The following CDK2AP2 variants were observed in gnomAD, a reference collection of about 807,000 sequenced individuals.
The protein encoded by CDK2AP2 is cyclin dependent kinase 2 associated protein 2, also known as cyclin-dependent kinase 2-associated protein 2.
CDK2AP2 carries 1 observed loss-of-function variant against 13.0 expected under a neutral mutation model. That is an observed-to-expected ratio of 0.08 (90% CI 0.03 to 0.37). The LOEUF is 0.37. Ranked by LOEUF, CDK2AP2 falls within the 10% of genes least tolerant of loss-of-function variation. The probability of loss-of-function intolerance (pLI) is 0.99; values close to 1 mark genes in which losing one functional copy is unlikely to be tolerated. For missense variants in CDK2AP2, 129 were observed against 175.8 expected, an observed-to-expected ratio of 0.73 and a Z score of 1.50; for synonymous variants, 76 against 73.0, an observed-to-expected ratio of 1.04 and a Z score of -0.21.
chr11:67,507,777 T>C, intron 1 of CDK2AP2, 88 bp from the exon 2 acceptor site: 22 of 1,560,400 alleles, frequency 1.4e-5, no homozygotes, highest in Non-Finnish European at 1.8e-5. Flanking sequence ...GTTCGCCCGA[T>C]TCCCTCCAAA....
chr11:67,507,116 A>G (rs1479386581), intron 3 of CDK2AP2, 104 bp from the exon 4 acceptor site: 1 of 922,608 alleles, frequency 1.1e-6, no homozygotes, highest in African/African-American at 1.7e-5. Context: ...GGCAAAAGAA[A>G]TTCAAATCTA....
chr11:67,507,229 G>T, intron 3 of CDK2AP2, 136 bp downstream of exon 3: 5 of 1,064,726 alleles, frequency 4.7e-6, no homozygotes, highest in South Asian at 1.5e-5. Context: ...ATTTCAATTC[G>T]ATTCAAAACA....
chr11:67,506,878 G>T lies in CDK2AP2; in HGVS notation c.*67C>A. ...ATGGTTAGTGCAACTCGGGATGAAG[G>T]CCAGGGAGAAGCGGGTGCTCTGCAG... On this transcript the variant is annotated 3_prime_UTR_variant, in exon 4 of 4. Transcript: ENST00000301488. 1 of 1,340,238 alleles carries T rather than the reference G, an allele frequency of 7.5e-7. No individual in the cohort carries two copies. Among genetic ancestry groups the T allele is most frequent in the Non-Finnish European group, 1.0e-6 (1 of 956,544 alleles). The allele number at this position is 1,340,238 out of a possible 1,614,324, so 83.0% of individuals were successfully genotyped here. A position where few individuals can be genotyped will look rare whatever the true frequency, so the allele number is the denominator to read the frequency against.
At chr11:67,507,859 C>G (rs1866567491) in intron 1 of CDK2AP2, 142 bp downstream of exon 1, 1 of 1,539,922 alleles carries the variant, frequency 6.5e-7, no homozygotes, top group African/African-American at 1.4e-5. Context: ...CAAGCCCTTA[C>G]GTGACCACGC....
In CDK2AP2 at chr11:67,508,130, T is replaced by C. The variant is rs1866578552; in HGVS notation, c.-48A>G. 1.4e-6 allele frequency: 2 copies of C among 1,439,256 alleles called. No homozygotes were observed. Among genetic ancestry groups the C allele is most frequent in the Non-Finnish European group, 1.8e-6 (2 of 1,099,336 alleles). 89.2% of individuals were successfully genotyped at this position (1,439,256 alleles called of 1,614,324 possible). A position where few individuals can be genotyped will look rare whatever the true frequency, so the allele number is the denominator to read the frequency against. On this transcript the variant is annotated 5_prime_UTR_variant, in exon 1 of 4. Coordinates refer to ENST00000301488, the MANE Select transcript of CDK2AP2 (RefSeq NM_005851.5). Reference sequence around the variant, plus strand: ...ACGCCAGCCGGCCGCTCCTCGGGGGTTGGCTGCGGGGCCGCTCAGCCGCGC... The same window carrying C: ...ACGCCAGCCGGCCGCTCCTCGGGGGCTGGCTGCGGGGCCGCTCAGCCGCGC...
chr11:67,507,185 C>A, intron 3 of CDK2AP2, 173 bp from the exon 4 acceptor site: 1 of 833,944 alleles, frequency 1.2e-6, no homozygotes, highest in Non-Finnish European at 1.9e-6. Context: ...TGTTGAAATA[C>A]AAATTCCCAT....
Position 67,506,960 on chromosome 11 carries a change from C to G in CDK2AP2, c.366G>C (p.Arg122=). 1 of 1,558,886 alleles carries G rather than the reference C, an allele frequency of 6.4e-7. No individual in the cohort carries two copies. The highest frequency in any genetic ancestry group is 8.7e-7 in the Non-Finnish European group (1 of 1,151,086). Residue 122 remains arginine, a synonymous_variant, in exon 4 of 4, where the codon CGG becomes CGC. Coordinates refer to ENST00000301488, the MANE Select transcript of CDK2AP2 (RefSeq NM_005851.5). The part of the protein sequence containing the change: ...LVRECLAETE[R]NART Reference sequence around the variant, plus strand: ...GCGCTTCCTGTTACGTGCGGGCGTTCCGCTCTGTCTCTGCCAGGCACTCTC... The same window carrying G: ...GCGCTTCCTGTTACGTGCGGGCGTTGCGCTCTGTCTCTGCCAGGCACTCTC...
chr11:67,507,743 C>T, intron 1 of CDK2AP2, 54 bp from the exon 2 acceptor site: 1 of 1,597,044 alleles, frequency 6.3e-7, no homozygotes, highest in East Asian at 2.3e-5. Flanking sequence ...CGCCGCCTCC[C>T]AGCTTTTCCA....
Position 67,507,939 on chromosome 11 carries a change from C to T in CDK2AP2, c.82+62G>A, listed in dbSNP as rs371154313. The T allele has an allele frequency of 1.0e-5, 16 of 1,549,070 alleles. 1 individual carries two copies. In the African/African-American group the frequency reaches 1.8e-4, roughly 17 times the overall value. ...CAGGCCCAGTATTGCAGAACTCAGG[C>T]CGTCTTCTCTTCGAGACCTCGACCG... On this transcript the variant is annotated intron_variant, in intron 1 of 3. Coordinates refer to ENST00000301488, the MANE Select transcript of CDK2AP2 (RefSeq NM_005851.5).
At chr11:67,507,739 C>T in intron 1 of CDK2AP2, 50 bp from the exon 2 acceptor site, 14 of 1,599,684 alleles carry the variant, frequency 8.8e-6, no homozygotes, top group African/African-American at 1.3e-5. Flanking sequence ...GGGACGCCGC[C>T]TCCCAGCTTT....
chr11:67,506,756 C>T lies in CDK2AP2; in HGVS notation c.*189G>A. ...ACTCATGGGGACCTCGCTGCTAACT[C>T]TTGTTGTGGGGGGGTGTCCTTAGTG... On this transcript the variant is annotated 3_prime_UTR_variant, in exon 4 of 4. Transcript: ENST00000301488. The T allele has an allele frequency of 1.7e-6, 1 of 587,778 alleles. No homozygotes were observed. The highest frequency in any genetic ancestry group is 3.0e-6 in the Non-Finnish European group (1 of 332,794). The allele number at this position is 587,778 out of a possible 1,614,324, so 36.4% of individuals were successfully genotyped here.
Position 67,507,463 on chromosome 11 carries a change from C to T in CDK2AP2, c.215G>A (p.Ser72Asn). Reference protein sequence around the residue: ...MKPPGAQGSQSTYTDLLSVIE... With the variant: ...MKPPGAQGSQNTYTDLLSVIE... ...GACTGACAGCAGGTCCGTGTAGGTGCTCTGGGAGCCCTGGGCGCCGGGTGG... is the reference window on the plus strand; with the variant it reads ...GACTGACAGCAGGTCCGTGTAGGTGTTCTGGGAGCCCTGGGCGCCGGGTGG... The change falls in exon 3 of 4, where the codon AGC becomes AAC. Residue 72 changes from serine (S) to asparagine (N), a missense_variant. By Grantham distance (46) the Ser-to-Asn change is conservative (BLOSUM62 1). Coordinates refer to ENST00000301488, the MANE Select transcript of CDK2AP2 (RefSeq NM_005851.5). 6.2e-6 allele frequency: 10 copies of T among 1,613,894 alleles called. No individual in the cohort carries two copies. The highest frequency in any genetic ancestry group is 7.6e-6 in the Non-Finnish European group (9 of 1,180,016).
intron 1 of CDK2AP2, 110 bp from the exon 2 acceptor site, chr11:67,507,799 T>C (rs1866566546): frequency 3.2e-6 from 5 of 1,541,504 alleles, no homozygotes; most frequent in Non-Finnish European, 3.5e-6. Context: ...GATGCTTCAT[T>C]CCATGCTGAT....
At chr11:67,507,307 C>T in intron 3 of CDK2AP2, 58 bp downstream of exon 3, 1 of 1,597,150 alleles carries the variant, frequency 6.3e-7, no homozygotes, top group Non-Finnish European at 8.6e-7. Flanking sequence ...TCCTTCCTTC[C>T]CTCATGAAGG....
Position 67,506,580 on chromosome 11 carries a change from G to T in CDK2AP2, c.*365C>A. On this transcript the variant is annotated 3_prime_UTR_variant, in exon 4 of 4. Coordinates refer to ENST00000301488, the MANE Select transcript of CDK2AP2 (RefSeq NM_005851.5). ...ACACACAGATAAAAGAGTCACTATG[G>T]CTCAGGACACAAGGCAGGGAGGTGC... 2.9e-6 allele frequency: 1 copy of T among 347,382 alleles called. No homozygotes were observed. Among genetic ancestry groups the T allele is most frequent in the Non-Finnish European group, 5.4e-6 (1 of 186,390 alleles). 21.5% of individuals were successfully genotyped at this position (347,382 alleles called of 1,614,324 possible).
chr11:67,506,869 G>T lies in CDK2AP2; in HGVS notation c.*76C>A. The T allele has an allele frequency of 7.9e-7, 1 of 1,270,060 alleles. No homozygotes were observed. Among genetic ancestry groups the T allele is most frequent in the Non-Finnish European group, 1.1e-6 (1 of 893,800 alleles). 78.7% of individuals were successfully genotyped at this position (1,270,060 alleles called of 1,614,324 possible). A position where few individuals can be genotyped will look rare whatever the true frequency, so the allele number is the denominator to read the frequency against. ...AAGCCCAGGATGGTTAGTGCAACTC[G>T]GGATGAAGGCCAGGGAGAAGCGGGT... On this transcript the variant is annotated 3_prime_UTR_variant, in exon 4 of 4. Coordinates refer to ENST00000301488, the MANE Select transcript of CDK2AP2 (RefSeq NM_005851.5).
intron 1 of CDK2AP2, 131 bp from the exon 2 acceptor site, chr11:67,507,820 G>A (rs1354019433): frequency 1.3e-6 from 2 of 1,537,076 alleles, no homozygotes; most frequent in Non-Finnish European, 8.7e-7. Context: ...CAACTTCAGG[G>A]ACAAATCCCT....
In CDK2AP2 at chr11:67,507,361, T is replaced by C. The variant is rs1308732520; in HGVS notation, c.313+4A>G. Reference sequence around the variant, plus strand: ...CCTGAGCAGGGCGGCCTGGCCTCACTTACCTCTCTTCAGGCGCTCCATGGC... The same window carrying C: ...CCTGAGCAGGGCGGCCTGGCCTCACCTACCTCTCTTCAGGCGCTCCATGGC... On this transcript the variant is annotated splice_donor_region_variant and intron_variant, in intron 3 of 3. Transcript: ENST00000301488. The C allele has an allele frequency of 6.2e-7, 1 of 1,612,118 alleles. No homozygotes were observed. Among genetic ancestry groups the C allele is most frequent in the African/African-American group, 1.3e-5 (1 of 74,888 alleles).
chr11:67,508,011 CG>C lies in CDK2AP2; in HGVS notation c.71del (p.Pro24ArgfsTer39). 6.5e-7 allele frequency: 1 copy of C among 1,543,690 alleles called. No individual in the cohort carries two copies. The highest frequency in any genetic ancestry group is 1.2e-5 in the South Asian group (1 of 83,398). ...PGSSTPGPGT[P>X]VPTGSVPSPS... Reference sequence around the variant, plus strand: ...GAGCTGGATCCTCACCTGTAGGGACCGGGGTGCCCGGCCCAGGGGTGCTGGA... The same window carrying C: ...GAGCTGGATCCTCACCTGTAGGGACCGGGTGCCCGGCCCAGGGGTGCTGGA... On this transcript the variant is annotated frameshift_variant, in exon 1 of 4. Transcript: ENST00000301488. LOFTEE classifies it high-confidence loss of function.
Sources: gnomAD v4.1 joint callset for allele counts on GRCh38, gnomAD v4.1.1 for gene constraint, MANE v1.5 for transcripts, NCBI Gene and HGNC (gene_info 2026-07-23, HGNC 2026-07-21) for gene names.